The following KCND2 variants were observed in gnomAD, a reference collection of about 807,000 sequenced individuals.
The protein encoded by KCND2 is potassium voltage-gated channel subfamily D member 2, also known as A-type voltage-gated potassium channel KCND2.
KCND2 carries 16 observed loss-of-function variants against 54.4 expected under a neutral mutation model. The observed-to-expected ratio is 0.29, with a 90% CI of 0.20 to 0.45. The LOEUF is 0.45. KCND2 is among the 20% of genes least tolerant of loss of function. The pLI, the probability that KCND2 is intolerant of heterozygous loss-of-function variation, is 1.00. For missense variants in KCND2, 486 were observed against 824.2 expected (o/e 0.59, Z 5.02); for synonymous variants, 317 against 310.7 (o/e 1.02, Z -0.21).
chr7:120,674,246 A>T (rs1056628875), intron 1 of KCND2, among the ~76,000 whole-genome samples: 1 of 152,066 alleles, frequency 6.6e-6, no homozygotes, highest in African/African-American at 2.4e-5. Context: ...GTAAACACAG[A>T]TGACATTTGT....
At chr7:120,615,341 G>A (rs918753758) in intron 1 of KCND2, among the ~76,000 whole-genome samples, 1 of 152,164 alleles carries the variant, frequency 6.6e-6, no homozygotes, top group Non-Finnish European at 1.5e-5. Flanking sequence ...CAAATACTTT[G>A]TAAATTCTAC....
At chr7:120,607,710 C>CA (rs1209865536) in intron 1 of KCND2, among the ~76,000 whole-genome samples, 2 of 151,616 alleles carry the variant, frequency 1.3e-5, no homozygotes, top group African/African-American at 4.8e-5. Flanking sequence ...CATGAGATTT[C>CA]AAAAAAGGAT....
chr7:120,469,236 C>T (rs375289974), intron 1 of KCND2, among the ~76,000 whole-genome samples: 12 of 152,086 alleles, frequency 7.9e-5, no homozygotes, highest in East Asian at 1.9e-4. Context: ...TCATCTTTGT[C>T]GTACCTCTGT....
At chr7:120,326,146 A>G (rs1799971225) in intron 1 of KCND2, among the ~76,000 whole-genome samples, 1 of 152,116 alleles carries the variant, frequency 6.6e-6, no homozygotes, top group Admixed American at 6.6e-5. Flanking sequence ...GAGTAAATAT[A>G]GAACAGTTTG....
chr7:120,745,793 T>C lies in KCND2; in HGVS notation c.1481T>C (p.Val494Ala). ...CLEKTTNHEF[V>A]DEQVFEESCM... ...ACTGTGGAACAGAATCACGAGTTTG[T>C]GGACGAACAAGTCTTTGAAGAAAGC... is the stretch of plus-strand genomic sequence containing the variant. The change falls in exon 5 of 6, where the codon GTG (valine) becomes GCG (alanine). Residue 494 changes from valine (V) to alanine (A), a missense_variant. By Grantham distance (64) the Val-to-Ala change is moderately conservative. Coordinates refer to ENST00000331113, the MANE Select transcript of KCND2 (RefSeq NM_012281.3). The C allele has an allele frequency of 6.2e-7, 1 of 1,613,754 alleles. No individual in the cohort carries two copies. The highest frequency in any genetic ancestry group is 8.5e-7 in the Non-Finnish European group (1 of 1,179,770).
At position 120,274,724 on chromosome 7, in the gene KCND2, C is replaced by G. The variant is rs1799146414; in HGVS notation, c.92C>G (p.Pro31Arg). 6.2e-7 allele frequency: 1 copy of G among 1,613,848 alleles called. No individual in the cohort carries two copies. The highest frequency in any genetic ancestry group is 8.5e-7 in the Non-Finnish European group (1 of 1,179,970). ...PVASGPMPAP[P>R]RQERKRTQDA... ...GCCTCGGGGCCTATGCCGGCTCCCC[C>G]GAGGCAGGAGAGGAAAAGGACCCAA... Residue 31 changes from proline to arginine, a missense_variant, in exon 1 of 6, where the codon CCG becomes CGG. Coordinates refer to ENST00000331113, the MANE Select transcript of KCND2 (RefSeq NM_012281.3).
At chr7:120,366,434 G>A (rs541111074) in intron 1 of KCND2, among the ~76,000 whole-genome samples, 2 of 148,432 alleles carry the variant, frequency 1.3e-5, no homozygotes, top group African/African-American at 5.0e-5. Flanking sequence ...GTTGCAGTGA[G>A]CTGAGATTGT....
chr7:120,379,560 A>T (rs1476748173), intron 1 of KCND2, among the ~76,000 whole-genome samples: 1 of 152,076 alleles, frequency 6.6e-6, no homozygotes, highest in Non-Finnish European at 1.5e-5. Flanking sequence ...CATTCTTAAA[A>T]CGTGTCATCC....
In KCND2 at chr7:120,742,433, C is replaced by G. The variant is rs888305089; in HGVS notation, c.1375-77C>G. On this transcript the variant is annotated intron_variant, in intron 3 of 5. Coordinates refer to ENST00000331113, the MANE Select transcript of KCND2 (RefSeq NM_012281.3). ...TTGCCAGTTAATAGAGCAGATCTCT[C>G]TGTGGAAATATGTAGCCGAGGTTCG... The G allele has an allele frequency of 7.0e-6, 8 of 1,142,036 alleles. No individual in the cohort carries two copies. In the African/African-American group the frequency reaches 1.1e-4, roughly 15 times the overall value. The allele number at this position is 1,142,036 out of a possible 1,614,324, so 70.7% of individuals were successfully genotyped here.
chr7:120,578,874 C>T (rs781329982), intron 1 of KCND2, among the ~76,000 whole-genome samples: 5 of 151,366 alleles, frequency 3.3e-5, no homozygotes, highest in African/African-American at 4.9e-5. Context: ...AGATTGATTG[C>T]GCCACTGCAC....
chr7:120,649,628 A>C (rs989721717), intron 1 of KCND2, among the ~76,000 whole-genome samples: 2 of 151,888 alleles, frequency 1.3e-5, no homozygotes, highest in Non-Finnish European at 2.9e-5. Flanking sequence ...TTTTCTTGTA[A>C]ATTTGTTTGA....
At chr7:120,287,623 T>A (rs1799366450) in intron 1 of KCND2, among the ~76,000 whole-genome samples, 1 of 151,830 alleles carries the variant, frequency 6.6e-6, no homozygotes, top group African/African-American at 2.4e-5. Context: ...ATTTAAGAGG[T>A]GGGTGGATCA....
chr7:120,449,261 G>A lies in KCND2; in HGVS notation c.1115+173514G>A, dbSNP rs185376009. On this transcript the variant is annotated intron_variant, in intron 1 of 5. Transcript: ENST00000331113. ...GGAGAATGGCGTGAACCCAGGAGGC[G>A]GAGCTTTCAGTGAGCCGAGATCACG... Among the ~76,000 whole-genome samples, 11 of 151,500 alleles carry A rather than the reference G, an allele frequency of 7.3e-5. No homozygotes were observed. In the East Asian group the frequency reaches 1.6e-3, roughly 21 times the overall value.
intron 1 of KCND2, among the ~76,000 whole-genome samples, chr7:120,385,353 T>C (rs1366573385): frequency 6.6e-6 from 1 of 152,050 alleles, no homozygotes; most frequent in African/African-American, 2.4e-5. Flanking sequence ...ATATCTTGAA[T>C]GCATAAATTC....
intron 1 of KCND2, among the ~76,000 whole-genome samples, chr7:120,351,567 T>C (rs1004964614): frequency 5.9e-5 from 9 of 151,968 alleles, no homozygotes; most frequent in African/African-American, 2.2e-4. Context: ...TTATTGGCTC[T>C]TGTTCAGGGG....
chr7:120,386,219 G>C (rs1197710489), intron 1 of KCND2, among the ~76,000 whole-genome samples: 1 of 152,040 alleles, frequency 6.6e-6, no homozygotes, highest in Admixed American at 6.6e-5. Flanking sequence ...TCAGGATATG[G>C]AAACATTTTG....
At chr7:120,349,494 T>C (rs1800371641) in intron 1 of KCND2, among the ~76,000 whole-genome samples, 1 of 152,202 alleles carries the variant, frequency 6.6e-6, no homozygotes, top group Non-Finnish European at 1.5e-5. Flanking sequence ...TTTCTGATAA[T>C]ATCCTTGCAT....
At chr7:120,700,896 A>G (rs1792392476) in intron 1 of KCND2, among the ~76,000 whole-genome samples, 1 of 152,186 alleles carries the variant, frequency 6.6e-6, no homozygotes, top group Admixed American at 6.5e-5. Context: ...TTAAAAAGAT[A>G]GAAGTATATT....
At chr7:120,647,849 C>T (rs916169635) in intron 1 of KCND2, among the ~76,000 whole-genome samples, 10 of 152,066 alleles carry the variant, frequency 6.6e-5, no homozygotes, top group Admixed American at 6.5e-5. Flanking sequence ...TTAGCAGTAA[C>T]GTTAGAATAC....
Sources: allele counts gnomAD v4.1 joint callset (sites outside exome capture counted in the v4.1 genomes callset), GRCh38; gene constraint gnomAD v4.1.1; transcripts MANE v1.5; gene names NCBI Gene and HGNC (gene_info 2026-07-23, HGNC 2026-07-21).